The following PARN variants were observed in gnomAD, a reference collection of about 807,000 sequenced individuals.
The protein encoded by PARN is poly(A)-specific ribonuclease PARN.
In PARN, 71 loss-of-function variants were observed where a neutral mutation model predicts 102.8. The ratio of observed to expected loss-of-function variants is 0.69; its 90% CI spans 0.57 to 0.84. The LOEUF (loss-of-function observed/expected upper bound fraction) is 0.84. Among genes scored for constraint, PARN ranks in the 40% least tolerant of loss-of-function variants. The pLI is 0.00. For missense variants in PARN, 782 were observed against 760.9 expected, an observed-to-expected ratio of 1.03 and a Z score of -0.33; for synonymous variants, 261 against 252.9, an observed-to-expected ratio of 1.03 and a Z score of -0.30.
intron 13 of PARN, among the ~76,000 whole-genome samples, chr16:14,587,107 T>G (rs1969906140): frequency 6.6e-6 from 1 of 152,216 alleles, no homozygotes; most frequent in Admixed American, 6.5e-5. Context: ...TCAATGTTAT[T>G]CATGCTTCAT....
At chr16:14,541,584 T>G (rs982319112) in intron 21 of PARN, among the ~76,000 whole-genome samples, 2 of 152,134 alleles carry the variant, frequency 1.3e-5, no homozygotes, top group African/African-American at 4.8e-5. Context: ...CAAGTGATTC[T>G]CCTGCCTTAG....
chr16:14,546,337 C>T (rs988185838), intron 21 of PARN, among the ~76,000 whole-genome samples: 1 of 152,182 alleles, frequency 6.6e-6, no homozygotes. Context: ...TAGACTGAGG[C>T]AAAGCCAAGT....
intron 18 of PARN, among the ~76,000 whole-genome samples, chr16:14,569,071 G>A (rs1032421126): frequency 6.6e-6 from 1 of 151,580 alleles, no homozygotes; most frequent in South Asian, 2.1e-4. Flanking sequence ...AATTTGCCGG[G>A]TATGGTGGCT....
intron 22 of PARN, among the ~76,000 whole-genome samples, chr16:14,479,097 G>A (rs1371795173): frequency 6.6e-6 from 1 of 152,130 alleles, no homozygotes; most frequent in African/African-American, 2.4e-5. Flanking sequence ...TATACAAAAG[G>A]AGCAAACGGT....
At chr16:14,600,065 A>G (rs1970784414) in intron 11 of PARN, 105 bp from the exon 12 acceptor site, 5 of 607,082 alleles carry the variant, frequency 8.2e-6, no homozygotes, top group Non-Finnish European at 1.4e-5. Context: ...GTATCAAGTT[A>G]GATAGCTTTA....
intron 21 of PARN, among the ~76,000 whole-genome samples, chr16:14,542,667 A>T (rs1966848832): frequency 6.6e-6 from 1 of 152,160 alleles, no homozygotes; most frequent in Non-Finnish European, 1.5e-5. Flanking sequence ...AAAATACATA[A>T]CTAAAGTATA....
At chr16:14,506,845 TG>T in intron 21 of PARN, among the ~76,000 whole-genome samples, 1 of 148,604 alleles carries the variant, frequency 6.7e-6, no homozygotes, top group Non-Finnish European at 1.5e-5. Context: ...AGAAAAAGAG[TG>T]GGAGAAAATA....
At chr16:14,583,202 A>C (rs981293944) in intron 16 of PARN, among the ~76,000 whole-genome samples, 1 of 152,248 alleles carries the variant, frequency 6.6e-6, no homozygotes, top group African/African-American at 2.4e-5. Context: ...CTTTAGACTG[A>C]ATTCTCTACC....
intron 13 of PARN, chr16:14,592,060 G>A (rs1438616770): frequency 1.3e-5 from 2 of 151,986 alleles, no homozygotes; most frequent in African/African-American, 2.4e-5. Flanking sequence ...GAATCCAGAT[G>A]TGAGAGAGGG....
At chr16:14,491,259 C>T (rs1964043734) in intron 21 of PARN, among the ~76,000 whole-genome samples, 1 of 150,574 alleles carries the variant, frequency 6.6e-6, no homozygotes, top group Non-Finnish European at 1.5e-5. Flanking sequence ...CTTGCTGGTA[C>T]ACCCAACTGG....
chr16:14,438,351 A>G (rs557016575), intron 23 of PARN, among the ~76,000 whole-genome samples: 32 of 151,314 alleles, frequency 2.1e-4, no homozygotes, highest in African/African-American at 7.7e-4. Context: ...AATTAAATCC[A>G]GCTCAGAGGA....
At chr16:14,480,464 C>T (rs1248339800) in intron 22 of PARN, among the ~76,000 whole-genome samples, 5 of 152,144 alleles carry the variant, frequency 3.3e-5, no homozygotes, top group African/African-American at 7.2e-5. Context: ...AGACTACATA[C>T]AAGAACTATA....
chr16:14,578,923 AT>A (rs1250765162), intron 18 of PARN, among the ~76,000 whole-genome samples: 1 of 152,194 alleles, frequency 6.6e-6, no homozygotes, highest in Non-Finnish European at 1.5e-5. Flanking sequence ...CTTTTCAATA[AT>A]AGTCCTGCAC....
chr16:14,569,717 G>C (rs1968670462), intron 18 of PARN, among the ~76,000 whole-genome samples: 1 of 152,192 alleles, frequency 6.6e-6, no homozygotes, highest in South Asian at 2.1e-4. Flanking sequence ...AAAAAGAACA[G>C]TTCACAAAAG....
intron 22 of PARN, among the ~76,000 whole-genome samples, chr16:14,451,869 C>CAAAAAAAAAAAAA (rs869041563): frequency 7.4e-4 from 39 of 52,492 alleles, no homozygotes; most frequent in African/African-American, 9.6e-4. Flanking sequence ...AAAAAAAATA[C>CAAAAAAAAAAAAA]AAAAAAAAAA....
At chr16:14,616,078 T>TG (rs1311772484) in intron 6 of PARN, among the ~76,000 whole-genome samples, 1 of 152,004 alleles carries the variant, frequency 6.6e-6, no homozygotes. Flanking sequence ...ACATTCACCA[T>TG]GGGGGAAAAA....
intron 21 of PARN, among the ~76,000 whole-genome samples, chr16:14,491,898 T>C (rs1251895462): frequency 6.6e-6 from 1 of 152,256 alleles, no homozygotes. Flanking sequence ...TACAAACTTA[T>C]ACATTTTTCA....
chr16:14,543,448 G>C (rs1443201801), intron 21 of PARN, among the ~76,000 whole-genome samples: 1 of 104,568 alleles, frequency 9.6e-6, no homozygotes, highest in Non-Finnish European at 2.5e-5. Flanking sequence ...AAAATACATA[G>C]AGAGTTTAAA....
At chr16:14,506,151 T>C (rs1964886203) in intron 21 of PARN, among the ~76,000 whole-genome samples, 1 of 152,144 alleles carries the variant, frequency 6.6e-6, no homozygotes, top group African/African-American at 2.4e-5. Context: ...AATCTTATCA[T>C]GAGACAATCA....
Sources: allele counts gnomAD v4.1 joint callset (sites outside exome capture counted in the v4.1 genomes callset), GRCh38; gene constraint gnomAD v4.1.1; transcripts MANE v1.5; gene names NCBI Gene and HGNC (gene_info 2026-07-23, HGNC 2026-07-21).